The following ADRB1 variants were observed in gnomAD, a reference collection of about 807,000 sequenced individuals.
ADRB1 encodes the protein beta-1 adrenergic receptor.
For missense variants in ADRB1, 635 were observed against 709.1 expected (o/e 0.90, Z 1.19); for synonymous variants, 365 against 347.2 (o/e 1.05, Z -0.57).
In ADRB1 at chr10:114,045,407, G is replaced by A; in HGVS notation, c.1275G>A (p.Gly425=). 1.6e-6 allele frequency: 2 copies of A among 1,239,668 alleles called. No individual in the cohort carries two copies. Among genetic ancestry groups the A allele is most frequent in the Admixed American group, 4.3e-5 (1 of 23,132 alleles). 76.8% of individuals were successfully genotyped at this position (1,239,668 alleles called of 1,614,324 possible). A position where few individuals can be genotyped will look rare whatever the true frequency, so the allele number is the denominator to read the frequency against. The part of the protein sequence containing the change: ...LARPGPPPSP[G]AASDDDDDDV... ...GGCCCGGACCCCCGCCATCGCCCGGGGCCGCCTCGGACGACGACGACGACG... is the reference window on the plus strand; with the variant it reads ...GGCCCGGACCCCCGCCATCGCCCGGAGCCGCCTCGGACGACGACGACGACG... Residue 425 remains glycine (G), a synonymous_variant, in exon 1 of 1, where the codon GGG becomes GGA. Transcript: ENST00000369295.
In ADRB1 at chr10:114,043,882, C is replaced by T. The variant is rs1847519964; in HGVS notation, c.-251C>T. Among the ~76,000 whole-genome samples the T allele has an allele frequency of 1.3e-5, 2 of 151,844 alleles. No homozygotes were observed. Among genetic ancestry groups the T allele is most frequent in the Non-Finnish European group, 2.9e-5 (2 of 67,872 alleles). ...GGCGCGCTCAGAAACATGCTGAAGT[C>T]CCGGCGGCTCTTCCAGCAGCGGCAG... is the stretch of plus-strand genomic sequence containing the variant. On this transcript the variant is annotated 5_prime_UTR_variant, in exon 1 of 1. Transcript: ENST00000369295.
Position 114,044,282 on chromosome 10 carries a change from C to A in ADRB1, c.150C>A (p.Pro50=), listed in dbSNP as rs762153296. ...TGCTGCCTCCCGCCAGCGAAAGCCC[C>A]GAGCCGCTGTCTCAGCAGTGGACAG... ...ASLLPPASES[P]EPLSQQWTAG... Residue 50 remains proline, a synonymous_variant, in exon 1 of 1, where the codon CCC becomes CCA. Coordinates refer to ENST00000369295, the MANE Select transcript of ADRB1 (RefSeq NM_000684.3). This position sits in a 1 kb window ranked among gnomAD's most constrained non-coding sequence, Gnocchi z 7.8. 3 of 1,565,594 alleles carry A rather than the reference C, an allele frequency of 1.9e-6. No individual in the cohort carries two copies. The highest frequency in any genetic ancestry group is 2.4e-5 in the East Asian group (1 of 42,268).
rs1471446460 is a variant in ADRB1 at position 114,045,536 on chromosome 10, C to G, written c.1404C>G (p.Arg468=). The change falls in exon 1 of 1, where the codon CGC becomes CGG. Residue 468 remains arginine (R), a synonymous_variant. Coordinates refer to ENST00000369295, the MANE Select transcript of ADRB1 (RefSeq NM_000684.3). ...DSDSSLDEPC[R]PGFASESKV is the part of the protein sequence containing the mutation. ...ACTCGAGCCTGGACGAGCCGTGCCG[C>G]CCCGGCTTCGCCTCGGAATCCAAGG... 1 of 1,308,682 alleles carries G rather than the reference C, an allele frequency of 7.6e-7. No individual in the cohort carries two copies. The highest frequency in any genetic ancestry group is 1.5e-5 in the African/African-American group (1 of 64,842). 81.1% of individuals were successfully genotyped at this position (1,308,682 alleles called of 1,614,324 possible). A position where few individuals can be genotyped will look rare whatever the true frequency, so the allele number is the denominator to read the frequency against.
Position 114,044,782 on chromosome 10 carries a change from A to G in ADRB1, c.650A>G (p.Asp217Gly). 1 of 1,613,586 alleles carries G rather than the reference A, an allele frequency of 6.2e-7. No individual in the cohort carries two copies. The highest frequency in any genetic ancestry group is 8.5e-7 in the Non-Finnish European group (1 of 1,179,922). Reference protein sequence around the residue: ...RRCYNDPKCCDFVTNRAYAIA... With the variant: ...RRCYNDPKCCGFVTNRAYAIA... ...TGCTACAACGACCCCAAGTGCTGCG[A>G]CTTCGTCACCAACCGGGCCTACGCC... Residue 217 changes from aspartate (D) to glycine (G), a missense_variant, in exon 1 of 1, where the codon GAC becomes GGC. Transcript: ENST00000369295. The surrounding 1 kb of genome is among the most constrained non-coding windows in gnomAD (Gnocchi z 7.8).
chr10:114,045,004 G>T lies in ADRB1; in HGVS notation c.872G>T (p.Arg291Leu). Residue 291 changes from arginine (R) to leucine (L), a missense_variant, in exon 1 of 1, where the codon CGC (arginine) becomes CTC (leucine). Physicochemically the swap from Arg to Leu is moderately radical, Grantham distance 102. Transcript: ENST00000369295. ...PAPAPPPGPP[R>L]PAAAAATAPL... is the part of the protein sequence containing the mutation. ...CCCGCGCCGCCGCCCGGACCCCCGC[G>T]CCCCGCCGCCGCCGCCGCCACCGCC... is the stretch of plus-strand genomic sequence containing the variant. 2.8e-6 allele frequency: 3 copies of T among 1,081,326 alleles called. No homozygotes were observed. The highest frequency in any genetic ancestry group is 5.5e-5 in the East Asian group (1 of 18,076). The allele number at this position is 1,081,326 out of a possible 1,614,324, so 67.0% of individuals were successfully genotyped here. A position where few individuals can be genotyped will look rare whatever the true frequency, so the allele number is the denominator to read the frequency against.
At position 114,044,670 on chromosome 10, in the gene ADRB1, T is replaced by A; in HGVS notation, c.538T>A (p.Cys180Ser). 6.2e-7 allele frequency: 1 copy of A among 1,612,642 alleles called. No individual in the cohort carries two copies. Among genetic ancestry groups the A allele is most frequent in the Non-Finnish European group, 8.5e-7 (1 of 1,179,826 alleles). The change falls in exon 1 of 1, where the codon TGC (cysteine) becomes AGC (serine). Residue 180 changes from cysteine (C) to serine (S), a missense_variant. By Grantham distance (112) the Cys-to-Ser change is moderately radical. Coordinates refer to ENST00000369295, the MANE Select transcript of ADRB1 (RefSeq NM_000684.3). The surrounding 1 kb of genome is among the most constrained non-coding windows in gnomAD (Gnocchi z 7.8). Reference protein sequence around the residue: ...LTRARARGLVCTVWAISALVS... With the variant: ...LTRARARGLVSTVWAISALVS... ...GCGCGCGCGGGCGCGGGGCCTCGTG[T>A]GCACCGTGTGGGCCATCTCGGCCCT...
At position 114,045,889 on chromosome 10, in the gene ADRB1, G is replaced by T; in HGVS notation, c.*323G>T. 1 of 184,376 alleles carries T rather than the reference G, an allele frequency of 5.4e-6. No individual in the cohort carries two copies. The allele number at this position is 184,376 out of a possible 1,614,324, so 11.4% of individuals were successfully genotyped here. On this transcript the variant is annotated 3_prime_UTR_variant, in exon 1 of 1. Coordinates refer to ENST00000369295, the MANE Select transcript of ADRB1 (RefSeq NM_000684.3). Reference sequence around the variant, plus strand: ...ATCTTTAGATTTTTTTCCCCCACCAGGTGGTTTTTGACACTCTCTGAGAGG... The same window carrying T: ...ATCTTTAGATTTTTTTCCCCCACCATGTGGTTTTTGACACTCTCTGAGAGG...
rs1480155738 is a variant in ADRB1 at position 114,044,664 on chromosome 10, C to T, written c.532C>T (p.Leu178Phe). 3 of 1,612,646 alleles carry T rather than the reference C, an allele frequency of 1.9e-6. No individual in the cohort carries two copies. Among genetic ancestry groups the T allele is most frequent in the Non-Finnish European group, 1.7e-6 (2 of 1,179,894 alleles). Residue 178 changes from leucine to phenylalanine, a missense_variant, in exon 1 of 1, where the codon CTC (leucine) becomes TTC (phenylalanine). Coordinates refer to ENST00000369295, the MANE Select transcript of ADRB1 (RefSeq NM_000684.3). This position sits in a 1 kb window ranked among gnomAD's most constrained non-coding sequence, Gnocchi z 7.8. ...GCTGACGCGCGCGCGGGCGCGGGGC[C>T]TCGTGTGCACCGTGTGGGCCATCTC... ...SLLTRARARGLVCTVWAISAL... is the reference protein window; with the variant it reads ...SLLTRARARGFVCTVWAISAL...
chr10:114,044,420 C>T lies in ADRB1; in HGVS notation c.288C>T (p.Phe96=). Residue 96 remains phenylalanine, a synonymous_variant, in exon 1 of 1, where the codon TTC becomes TTT. Coordinates refer to ENST00000369295, the MANE Select transcript of ADRB1 (RefSeq NM_000684.3). This position sits in a 1 kb window ranked among gnomAD's most constrained non-coding sequence, Gnocchi z 7.8. ...GGCTGCAGACGCTCACCAACCTCTT[C>T]ATCATGTCCCTGGCCAGCGCCGACC... is the stretch of plus-strand genomic sequence containing the variant. ...TPRLQTLTNL[F]IMSLASADLV... The T allele has an allele frequency of 6.2e-7, 1 of 1,612,250 alleles. No homozygotes were observed. The highest frequency in any genetic ancestry group is 8.5e-7 in the Non-Finnish European group (1 of 1,179,960).
At position 114,045,218 on chromosome 10, in the gene ADRB1, C is replaced by T. The variant is rs765489220; in HGVS notation, c.1086C>T (p.Phe362=). ...ELVPDRLFVF[F]NWLGYANSAF... is the part of the protein sequence containing the mutation. ...TGCCCGACCGCCTCTTCGTCTTCTTCAACTGGCTGGGCTACGCCAACTCGG... is the reference window on the plus strand; with the variant it reads ...TGCCCGACCGCCTCTTCGTCTTCTTTAACTGGCTGGGCTACGCCAACTCGG... Residue 362 remains phenylalanine, a synonymous_variant, in exon 1 of 1, where the codon TTC becomes TTT. Coordinates refer to ENST00000369295, the MANE Select transcript of ADRB1 (RefSeq NM_000684.3). 6.9e-6 allele frequency: 11 copies of T among 1,598,100 alleles called. No individual in the cohort carries two copies. In the South Asian group the frequency reaches 1.1e-4, roughly 16 times the overall value.
Position 114,044,768 on chromosome 10 carries a change from C to A in ADRB1, c.636C>A (p.Asp212Glu), listed in dbSNP as rs1044345273. Residue 212 changes from aspartate to glutamate, a missense_variant, in exon 1 of 1, where the codon GAC becomes GAA. Transcript: ENST00000369295. This position sits in a 1 kb window ranked among gnomAD's most constrained non-coding sequence, Gnocchi z 7.8. ...ACGAGGCGCGCCGCTGCTACAACGA[C>A]CCCAAGTGCTGCGACTTCGTCACCA... The part of the protein sequence containing the change: ...ESDEARRCYN[D>E]PKCCDFVTNR... 3.1e-6 allele frequency: 5 copies of A among 1,613,442 alleles called. No individual in the cohort carries two copies. Among genetic ancestry groups the A allele is most frequent in the Non-Finnish European group, 4.2e-6 (5 of 1,179,930 alleles).
rs1271134238 is a variant in ADRB1, at chr10:114,045,775, TTTTTC to T, written c.*223_*227del. 4 of 394,490 alleles carry T rather than the reference TTTTTC, an allele frequency of 1.0e-5. No individual in the cohort carries two copies. The highest frequency in any genetic ancestry group is 2.8e-4 in the South Asian group (2 of 7,200). The allele number at this position is 394,490 out of a possible 1,614,324, so 24.4% of individuals were successfully genotyped here. A position where few individuals can be genotyped will look rare whatever the true frequency, so the allele number is the denominator to read the frequency against. On this transcript the variant is annotated 3_prime_UTR_variant, in exon 1 of 1. Transcript: ENST00000369295. ...CTTGCTGATGTTCCTTGTTGTTTTTTTTTTCTTTTCTTTTCTTTCTTCTTCTTTTT... is the reference window on the plus strand; with the variant it reads ...CTTGCTGATGTTCCTTGTTGTTTTTTTTTTCTTTTCTTTCTTCTTCTTTTT...
chr10:114,044,254 C>A lies in ADRB1; in HGVS notation c.122C>A (p.Ser41Ter). 6.7e-7 allele frequency: 1 copy of A among 1,493,390 alleles called. No individual in the cohort carries two copies. Among genetic ancestry groups the A allele is most frequent in the South Asian group, 1.3e-5 (1 of 78,912 alleles). The allele number at this position is 1,493,390 out of a possible 1,614,324, so 92.5% of individuals were successfully genotyped here. Residue 41 changes from serine (S) to a stop codon, truncating the protein, a stop_gained, in exon 1 of 1, where the codon TCG (serine) becomes TAG (stop). Coordinates refer to ENST00000369295, the MANE Select transcript of ADRB1 (RefSeq NM_000684.3). LOFTEE classifies it low-confidence loss of function (END_TRUNC). This position sits in a 1 kb window ranked among gnomAD's most constrained non-coding sequence, Gnocchi z 7.8. The part of the protein sequence containing the change: ...RLLVPASPPA[S>*]LLPPASESPE... ...CTGGTGCCCGCGTCGCCGCCCGCCT[C>A]GTTGCTGCCTCCCGCCAGCGAAAGC...
In ADRB1 at chr10:114,044,972, C is replaced by CCCCGCG; in HGVS notation, c.849_854dup (p.Ala284_Pro285dup). ...CGCCCTCGCCCTCGCCCTCGCCCGT[C>CCCCGCG]CCCGCGCCCGCGCCGCCGCCCGGAC... is the stretch of plus-strand genomic sequence containing the variant. On this transcript the variant is annotated inframe_insertion, in exon 1 of 1. Transcript: ENST00000369295. This position sits in a 1 kb window ranked among gnomAD's most constrained non-coding sequence, Gnocchi z 7.8. 8.5e-7 allele frequency: 1 copy of CCCCGCG among 1,179,666 alleles called. No homozygotes were observed. The highest frequency in any genetic ancestry group is 1.1e-6 in the Non-Finnish European group (1 of 948,862). The allele number at this position is 1,179,666 out of a possible 1,614,324, so 73.1% of individuals were successfully genotyped here.
chr10:114,044,838 C>T lies in ADRB1; in HGVS notation c.706C>T (p.Pro236Ser). 6.2e-7 allele frequency: 1 copy of T among 1,613,818 alleles called. No homozygotes were observed. The highest frequency in any genetic ancestry group is 8.5e-7 in the Non-Finnish European group (1 of 1,179,918). Reference sequence around the variant, plus strand: ...CTCGTCCGTAGTCTCCTTCTACGTGCCCCTGTGCATCATGGCCTTCGTGTA... The same window carrying T: ...CTCGTCCGTAGTCTCCTTCTACGTGTCCCTGTGCATCATGGCCTTCGTGTA... ...IASSVVSFYV[P>S]LCIMAFVYLR... The change falls in exon 1 of 1, where the codon CCC becomes TCC. Residue 236 changes from proline (P) to serine (S), a missense_variant. Physicochemically the swap from Pro to Ser is moderately conservative, Grantham distance 74. Coordinates refer to ENST00000369295, the MANE Select transcript of ADRB1 (RefSeq NM_000684.3). This position sits in a 1 kb window ranked among gnomAD's most constrained non-coding sequence, Gnocchi z 7.8.
rs1847535171 is a variant in ADRB1, at chr10:114,044,741, C to A, written c.609C>A (p.Ser203Arg). The change falls in exon 1 of 1, where the codon AGC becomes AGA. Residue 203 changes from serine to arginine, a missense_variant. Ser to Arg is a moderately radical substitution (Grantham distance 110). Transcript: ENST00000369295. The surrounding 1 kb of genome is among the most constrained non-coding windows in gnomAD (Gnocchi z 7.8). Reference protein sequence around the residue: ...PILMHWWRAESDEARRCYNDP... With the variant: ...PILMHWWRAERDEARRCYNDP... Reference sequence around the variant, plus strand: ...TCATGCACTGGTGGCGGGCGGAGAGCGACGAGGCGCGCCGCTGCTACAACG... The same window carrying A: ...TCATGCACTGGTGGCGGGCGGAGAGAGACGAGGCGCGCCGCTGCTACAACG... 1.2e-6 allele frequency: 2 copies of A among 1,610,782 alleles called. No individual in the cohort carries two copies. The highest frequency in any genetic ancestry group is 1.7e-6 in the Non-Finnish European group (2 of 1,179,604).
rs780547325 is a variant in ADRB1, at chr10:114,045,276, G to C, written c.1144G>C (p.Asp382His). 1.9e-6 allele frequency: 3 copies of C among 1,590,380 alleles called. No homozygotes were observed. The highest frequency in any genetic ancestry group is 1.7e-4 in the Middle Eastern group (1 of 5,994). Residue 382 changes from aspartate to histidine, a missense_variant, in exon 1 of 1, where the codon GAC becomes CAC. Asp to His is a moderately conservative substitution (Grantham distance 81, BLOSUM62 -1). Coordinates refer to ENST00000369295, the MANE Select transcript of ADRB1 (RefSeq NM_000684.3). ...CCCCATCATCTACTGCCGCAGCCCC[G>C]ACTTCCGCAAGGCCTTCCAGGGACT... ...FNPIIYCRSP[D>H]FRKAFQGLLC... is the part of the protein sequence containing the mutation.
At position 114,044,621 on chromosome 10, in the gene ADRB1, C is replaced by T. The variant is rs747177521; in HGVS notation, c.489C>T (p.Pro163=). The T allele has an allele frequency of 8.1e-6, 13 of 1,613,382 alleles. No individual in the cohort carries two copies. The highest frequency in any genetic ancestry group is 1.1e-5 in the Non-Finnish European group (13 of 1,179,948). Residue 163 remains proline, a synonymous_variant, in exon 1 of 1, where the codon CCC becomes CCT. Transcript: ENST00000369295. This position sits in a 1 kb window ranked among gnomAD's most constrained non-coding sequence, Gnocchi z 7.8. ...ACCGCTACCTCGCCATCACCTCGCC[C>T]TTCCGCTACCAGAGCCTGCTGACGC... is the stretch of plus-strand genomic sequence containing the variant. The part of the protein sequence containing the change: ...ALDRYLAITS[P]FRYQSLLTRA...
At position 114,045,688 on chromosome 10, in the gene ADRB1, C is replaced by A; in HGVS notation, c.*122C>A. ...CAATCCTCGTCTGAATCATCCGAGG[C>A]AAAGAGAAAAGCCACGGACCGTTGC... is the stretch of plus-strand genomic sequence containing the variant. On this transcript the variant is annotated 3_prime_UTR_variant, in exon 1 of 1. Transcript: ENST00000369295. The A allele has an allele frequency of 9.6e-7, 1 of 1,045,276 alleles. No individual in the cohort carries two copies. Among genetic ancestry groups the A allele is most frequent in the Non-Finnish European group, 1.2e-6 (1 of 807,794 alleles). The allele number at this position is 1,045,276 out of a possible 1,614,324, so 64.8% of individuals were successfully genotyped here.
Sources: gnomAD v4.1 joint callset for allele counts (sites outside exome capture counted in the v4.1 genomes callset) on GRCh38, gnomAD v4.1.1 for gene constraint, Gnocchi (gnomAD v3.1) non-coding constraint, MANE v1.5 for transcripts, NCBI Gene and HGNC (gene_info 2026-07-23, HGNC 2026-07-21) for gene names.